Variants in SEPTIN4 observed in about 807,000 individuals in gnomAD.
SEPTIN4 encodes the protein septin-4.
Under a neutral mutation model 107.1 loss-of-function variants are expected in SEPTIN4, and 52 were observed. That is an observed-to-expected ratio of 0.49 (90% CI 0.39 to 0.61). The LOEUF (loss-of-function observed/expected upper bound fraction) is 0.61. Among genes scored for constraint, SEPTIN4 ranks in the 20% least tolerant of loss-of-function variants. The pLI is 0.00. For synonymous variants in SEPTIN4, 417 were observed against 467.0 expected (o/e 0.89, Z 1.38); for missense variants, 1,048 against 1,243.5 (o/e 0.84, Z 2.36).
intron 3 of SEPTIN4, chr17:58,529,391 T>G: frequency 7.0e-7 from 1 of 1,425,294 alleles, no homozygotes; most frequent in Non-Finnish European, 9.2e-7. Context: ...TCCCCTTCCC[T>G]TGGCTCCCAC....
At chr17:58,524,363 C>G (rs1003587552) in intron 7 of SEPTIN4, among the ~76,000 whole-genome samples, 1 of 152,196 alleles carries the variant, frequency 6.6e-6, no homozygotes, top group East Asian at 1.9e-4. Context: ...CAAAGTTCCA[C>G]CATTTTTCCC....
intron 7 of SEPTIN4, among the ~76,000 whole-genome samples, chr17:58,523,022 A>G (rs2042440390): frequency 6.6e-6 from 1 of 152,202 alleles, no homozygotes; most frequent in Non-Finnish European, 1.5e-5. Context: ...ATTATGCATT[A>G]TGATCATCAT....
At chr17:58,525,887 G>A (rs2042804213) in intron 5 of SEPTIN4, 106 bp from the exon 6 acceptor site, 1 of 1,014,668 alleles carries the variant, frequency 9.9e-7, no homozygotes, top group Non-Finnish European at 1.5e-6. Flanking sequence ...TTATCTAATT[G>A]GAACTAGACT....
Position 58,543,908 on chromosome 17 carries a change from T to A in SEPTIN4, c.279A>T (p.Arg93Ser). 6.2e-7 allele frequency: 1 copy of A among 1,614,020 alleles called. No individual in the cohort carries two copies. Among genetic ancestry groups the A allele is most frequent in the Non-Finnish European group, 8.5e-7 (1 of 1,179,934 alleles). ...PTPRGPETGP[R>S]TESSRHSSPH... ...GAGAGGAATGGCGGGATGATTCTGT[T>A]CTTGGTCCAGTCTCGGGTCCCCGAG... Residue 93 changes from arginine to serine, a missense_variant, in exon 1 of 14, where the codon AGA (arginine) becomes AGT (serine). Transcript: ENST00000672673.
chr17:58,541,533 A>C lies in SEPTIN4; in HGVS notation c.1606+389T>G, dbSNP rs545290641. On this transcript the variant is annotated intron_variant, in intron 2 of 13. Coordinates refer to ENST00000672673, the MANE Select transcript of SEPTIN4 (RefSeq NM_001368771.2). ...GGGTTCTGAGGAACCAGAGAAACAC[A>C]TGAGAAGAGCCCCCAGCCTGAATTA... is the stretch of plus-strand genomic sequence containing the variant. 136 of 322,804 alleles carry C rather than the reference A, an allele frequency of 4.2e-4. No homozygotes were observed. The South Asian group carries it at 7.0e-3, about 17-fold the overall frequency. 20.0% of individuals were successfully genotyped at this position (322,804 alleles called of 1,614,324 possible). A position where few individuals can be genotyped will look rare whatever the true frequency, so the allele number is the denominator to read the frequency against.
In SEPTIN4 at chr17:58,525,156, A is replaced by T; in HGVS notation, c.2138T>A (p.Ile713Lys). 1.2e-6 allele frequency: 2 copies of T among 1,614,138 alleles called. No individual in the cohort carries two copies. Among genetic ancestry groups the T allele is most frequent in the Non-Finnish European group, 1.7e-6 (2 of 1,180,018 alleles). ...TVEITKHAVD[I>K]EEKGVRLRLT... Reference sequence around the variant, plus strand: ...CCGCAGCCTCACACCCTTCTCTTCTATGTCCACTGCATGCTTAGTGATCTC... The same window carrying T: ...CCGCAGCCTCACACCCTTCTCTTCTTTGTCCACTGCATGCTTAGTGATCTC... Residue 713 changes from isoleucine to lysine, a missense_variant, in exon 7 of 14, where the codon ATA (isoleucine) becomes AAA (lysine). Ile to Lys is a moderately radical substitution (Grantham distance 102). Around this residue, in one of 2 missense-constraint regions of SEPTIN4, gnomAD observed 787 missense variants for 871.8 expected, o/e 0.90. Transcript: ENST00000672673.
intron 7 of SEPTIN4, among the ~76,000 whole-genome samples, chr17:58,523,954 C>T (rs561282587): frequency 6.6e-6 from 1 of 152,098 alleles, no homozygotes; most frequent in Admixed American, 6.5e-5. Context: ...TGGAGGTACA[C>T]TTTAAACTGT....
In SEPTIN4 at chr17:58,520,369, G is replaced by C. The variant is rs935927947; in HGVS notation, c.*57C>G. 1.9e-6 allele frequency: 3 copies of C among 1,553,022 alleles called. No homozygotes were observed. In the African/African-American group the frequency reaches 4.1e-5, roughly 21 times the overall value. On this transcript the variant is annotated 3_prime_UTR_variant, in exon 14 of 14. Coordinates refer to ENST00000672673, the MANE Select transcript of SEPTIN4 (RefSeq NM_001368771.2). ...CCTGAGCAGAGCTGGTGCTGGGAGG[G>C]GCCGGCATGGACAGGAAGAAGAGGA... is the stretch of plus-strand genomic sequence containing the variant.
Position 58,542,858 on chromosome 17 carries a change from T to C in SEPTIN4, c.1329A>G (p.Thr443=). The change falls in exon 1 of 14, where the codon ACA becomes ACG. Residue 443 remains threonine (T), a synonymous_variant. Coordinates refer to ENST00000672673, the MANE Select transcript of SEPTIN4 (RefSeq NM_001368771.2). ...AGCACTTAGGCTCAAAATCCGGTGT[T>C]GTCAGCTGGCTTTGGGGTGTTTCAA... ...PEVETPQSQL[T]TPDFEPKCSP... is the part of the protein sequence containing the mutation. The C allele has an allele frequency of 1.9e-6, 3 of 1,614,152 alleles. No individual in the cohort carries two copies. Among genetic ancestry groups the C allele is most frequent in the Middle Eastern group, 1.6e-4 (1 of 6,062 alleles).
intron 7 of SEPTIN4, 57 bp downstream of exon 7, chr17:58,525,021 C>T: frequency 6.2e-7 from 1 of 1,610,744 alleles, no homozygotes; most frequent in South Asian, 1.1e-5. Flanking sequence ...ACGTGTGTAC[C>T]TGTGTATGGA....
rs1485145228 is a variant in SEPTIN4, at chr17:58,521,857, G to A, written c.2352-4C>T. 28 of 1,614,072 alleles carry A rather than the reference G, an allele frequency of 1.7e-5. No homozygotes were observed. The highest frequency in any genetic ancestry group is 2.3e-5 in the Non-Finnish European group (27 of 1,180,036). Reference sequence around the variant, plus strand: ...TTCAACATCCAATGGCCGGAGCCTGGGGAACAGGAACCTGTGACCACCTGC... The same window carrying A: ...TTCAACATCCAATGGCCGGAGCCTGAGGAACAGGAACCTGTGACCACCTGC... On this transcript the variant is annotated splice_region_variant and splice_polypyrimidine_tract_variant and intron_variant, in intron 8 of 13. Transcript: ENST00000672673. The surrounding 1 kb of genome is among the most constrained non-coding windows in gnomAD (Gnocchi z 6.4).
At chr17:58,527,833 G>T (rs2043096032) in intron 3 of SEPTIN4, 2 of 985,624 alleles carry the variant, frequency 2.0e-6, no homozygotes, top group Non-Finnish European at 2.4e-6. Context: ...TACCCCCTCT[G>T]CCCAGAGCCG....
At chr17:58,531,014 T>G (rs780575111) in intron 3 of SEPTIN4, 1 of 152,406 alleles carries the variant, frequency 6.6e-6, no homozygotes, top group Non-Finnish European at 1.5e-5. Context: ...TGTAAACAGT[T>G]TGTGTCCCCC....
intron 3 of SEPTIN4, among the ~76,000 whole-genome samples, chr17:58,533,145 A>G (rs528782514): frequency 4.6e-5 from 7 of 152,322 alleles, no homozygotes; most frequent in African/African-American, 1.7e-4. Context: ...GGTTGGGACC[A>G]GTCAGAACTC....
At chr17:58,536,813 C>A (rs2043729341) in intron 3 of SEPTIN4, among the ~76,000 whole-genome samples, 1 of 152,240 alleles carries the variant, frequency 6.6e-6, no homozygotes, top group Non-Finnish European at 1.5e-5. Flanking sequence ...CTCAGGACAG[C>A]CTTCCTCTGG....
chr17:58,527,195 T>A (rs2043009249), intron 3 of SEPTIN4: 1 of 875,340 alleles, frequency 1.1e-6, no homozygotes, highest in Non-Finnish European at 1.9e-6. Context: ...CCAGGAAGGG[T>A]CCCAGGGTCC....
chr17:58,527,809 C>G (rs769458375), intron 3 of SEPTIN4: 42 of 984,274 alleles, frequency 4.3e-5, no homozygotes, highest in Admixed American at 6.1e-5. Context: ...GGGAAGCACC[C>G]TGAGTTGTCT....
intron 2 of SEPTIN4, 187 bp downstream of exon 2, chr17:58,541,735 C>A: frequency 6.6e-7 from 1 of 1,509,396 alleles, no homozygotes; most frequent in South Asian, 1.3e-5. Context: ...AGGTTCCAAG[C>A]CCCAAAGAAA....
intron 2 of SEPTIN4, 179 bp from the exon 3 acceptor site, chr17:58,540,852 G>T (rs2043859986): frequency 2.2e-6 from 1 of 460,722 alleles, no homozygotes; most frequent in Non-Finnish European, 3.6e-6. Context: ...TTTACTGAGT[G>T]CTCACTGTTG....
Sources: gnomAD v4.1 joint callset for allele counts (sites outside exome capture counted in the v4.1 genomes callset) on GRCh38, gnomAD v4.1.1 for gene constraint, gnomAD v4.1.1 regional missense constraint, Gnocchi (gnomAD v3.1) non-coding constraint, MANE v1.5 for transcripts, NCBI Gene and HGNC (gene_info 2026-07-23, HGNC 2026-07-21) for gene names.